The following MYH6 variants were observed in gnomAD, a reference collection of about 807,000 sequenced individuals.
The protein encoded by MYH6 is myosin heavy chain 6, also known as myosin-6.
In MYH6, 126 loss-of-function variants were observed where a neutral mutation model predicts 223.2. That is an observed-to-expected ratio of 0.56 (90% CI 0.49 to 0.65). The LOEUF (loss-of-function observed/expected upper bound fraction) is 0.65, where lower values mean the gene tolerates loss of function less well. MYH6 is among the 30% of genes least tolerant of loss of function. The pLI is 0.00. For missense variants in MYH6, 2,040 were observed against 2,536.4 expected, an observed-to-expected ratio of 0.80 and a Z score of 4.20; for synonymous variants, 978 against 1,010.2, an observed-to-expected ratio of 0.97 and a Z score of 0.61.
chr14:23,396,148 T>G, intron 20 of MYH6, 136 bp downstream of exon 20: 236 of 999,858 alleles, frequency 2.4e-4, no homozygotes, highest in Non-Finnish European at 3.2e-4. Flanking sequence ...GAATTTGCAA[T>G]GAGATTCGAA....
In MYH6 at chr14:23,402,766, G is replaced by T; in HGVS notation, c.933C>A (p.Tyr311Ter). The T allele has an allele frequency of 6.2e-7, 1 of 1,613,402 alleles. No individual in the cohort carries two copies. Among genetic ancestry groups the T allele is most frequent in the East Asian group, 2.2e-5 (1 of 44,720 alleles). The change falls in exon 11 of 39, where the codon TAC becomes TAA. Residue 311 changes from tyrosine (Y) to a stop codon, truncating the protein, a stop_gained. Transcript: ENST00000405093. LOFTEE classifies it high-confidence loss of function. ...MLLVTNNPYDYAFVSQGEVSV... is the reference protein window; with the variant it reads ...MLLVTNNPYD Reference sequence around the variant, plus strand: ...ACACCTCTCCCTGAGACACGAAGGCGTAGTCGTAGGGATTGTTGGTGACCA... The same window carrying T: ...ACACCTCTCCCTGAGACACGAAGGCTTAGTCGTAGGGATTGTTGGTGACCA...
intron 24 of MYH6, 33 bp from the exon 25 acceptor site, chr14:23,392,685 A>C (rs747152368): frequency 1.4e-6 from 2 of 1,462,234 alleles, no homozygotes; most frequent in Non-Finnish European, 1.9e-6. Flanking sequence ...GGGGAGTGAC[A>C]GGTAGCCTTC....
rs756971568 is a variant in MYH6, at chr14:23,398,867, G to C, written c.1752C>G (p.Ala584=). Residue 584 remains alanine (A), a synonymous_variant, in exon 15 of 39, where the codon GCC becomes GCG. Coordinates refer to ENST00000405093, the MANE Select transcript of MYH6 (RefSeq NM_002471.4). ...QEAHFSLIHY[A]GTVDYNILGW... ...CCAGGATGTTGTAGTCCACAGTGCCGGCGTAGTGGATCAGGGAGAAGTGGG... is the reference window on the plus strand; with the variant it reads ...CCAGGATGTTGTAGTCCACAGTGCCCGCGTAGTGGATCAGGGAGAAGTGGG... The C allele has an allele frequency of 3.1e-6, 5 of 1,614,078 alleles. No individual in the cohort carries two copies. The East Asian group carries it at 1.1e-4, about 36-fold the overall frequency.
rs76696292 is a variant in MYH6, at chr14:23,385,823, T to C, written c.5163+105A>G. The stretch of plus-strand genomic sequence containing the variant: ...AGAGTTGGCCTAAGAGAGGAAATGA[T>C]TTGTGACCCTGGCTAGATGTGCTCA... On this transcript the variant is annotated intron_variant, in intron 34 of 38. Coordinates refer to ENST00000405093, the MANE Select transcript of MYH6 (RefSeq NM_002471.4). The C allele has an allele frequency of 3.6e-4, 546 of 1,516,210 alleles. 4 individuals are homozygous for C. In the East Asian group the frequency reaches 0.01, roughly 28 times the overall value. The allele number at this position is 1,516,210 out of a possible 1,614,324, so 93.9% of individuals were successfully genotyped here. A position where few individuals can be genotyped will look rare whatever the true frequency, so the allele number is the denominator to read the frequency against.
chr14:23,400,232 T>C (rs1470019466), intron 14 of MYH6, 24 bp downstream of exon 14: 3 of 1,614,088 alleles, frequency 1.9e-6, no homozygotes, highest in Non-Finnish European at 2.5e-6. Context: ...GGAGGGGGCA[T>C]AGGTGGTGAG....
rs141195890 is a variant in MYH6 at position 23,386,058 on chromosome 14, C to T, written c.5033G>A (p.Arg1678Gln). Residue 1678 changes from arginine to glutamine, a missense_variant, in exon 34 of 39, where the codon CGG becomes CAG. Physicochemically the swap from Arg to Gln is conservative, Grantham distance 43. Around this residue, in one of 4 missense-constraint regions of MYH6, gnomAD observed 1,203 missense variants for 1,400.2 expected, o/e 0.86. Coordinates refer to ENST00000405093, the MANE Select transcript of MYH6 (RefSeq NM_002471.4). ...CTCAGCCTGCAGCAGGTTGTTGCGCCGCTCCACGATGGCGATGTTCTCCTT... is the reference window on the plus strand; with the variant it reads ...CTCAGCCTGCAGCAGGTTGTTGCGCTGCTCCACGATGGCGATGTTCTCCTT... ...DLKENIAIVE[R>Q]RNNLLQAELE... 3.7e-6 allele frequency: 6 copies of T among 1,614,082 alleles called. No homozygotes were observed. Among genetic ancestry groups the T allele is most frequent in the Admixed American group, 1.7e-5 (1 of 60,006 alleles).
chr14:23,392,441 G>A, intron 25 of MYH6, 121 bp downstream of exon 25: 2 of 822,106 alleles, frequency 2.4e-6, no homozygotes, highest in Non-Finnish European at 4.4e-6. Context: ...GTCAGGGATG[G>A]TTGGGTCTAT....
Position 23,389,072 on chromosome 14 carries a change from G to GGGGGGGGGGGC in MYH6, c.3979-18_3979-17insGCCCCCCCCCC. On this transcript the variant is annotated splice_polypyrimidine_tract_variant and intron_variant, in intron 28 of 38. Transcript: ENST00000405093. The stretch of plus-strand genomic sequence containing the variant: ...GTTCTTCGCCTGGGGAGGGGGGGGG[G>GGGGGGGGGGGC]CACCAGGAGGTGGGAGGGACTCCCT... 8 of 1,135,102 alleles carry GGGGGGGGGGGC rather than the reference G, an allele frequency of 7.0e-6. No homozygotes were observed. Among genetic ancestry groups the GGGGGGGGGGGC allele is most frequent in the Non-Finnish European group, 1.0e-5 (8 of 774,090 alleles). 70.3% of individuals were successfully genotyped at this position (1,135,102 alleles called of 1,614,324 possible). A position where few individuals can be genotyped will look rare whatever the true frequency, so the allele number is the denominator to read the frequency against.
rs529107714 is a variant in MYH6, at chr14:23,390,396, C to T, written c.3393G>A (p.Arg1131=). The T allele has an allele frequency of 2.1e-4, 341 of 1,610,328 alleles. 2 individuals carry two copies. The South Asian group carries it at 3.5e-3, about 17-fold the overall frequency. Residue 1131 remains arginine, a synonymous_variant, in exon 26 of 39, where the codon AGG becomes AGA. Coordinates refer to ENST00000405093, the MANE Select transcript of MYH6 (RefSeq NM_002471.4). ...EEELEAERTA[R]AKVEKLRSDL... is the part of the protein sequence containing the mutation. ...CTGAGCGCAGCTTCTCCACCTTAGC[C>T]CTGGCGGTGCGCTCGGCCTCCAGCT...
chr14:23,386,283 G>C, intron 33 of MYH6, 32 bp downstream of exon 33: 1 of 1,614,076 alleles, frequency 6.2e-7, no homozygotes, highest in Non-Finnish European at 8.5e-7. Flanking sequence ...ATGGAGGCCA[G>C]TCCCCTGAGG....
rs1221259755 is a variant in MYH6 at position 23,397,005 on chromosome 14, T to C, written c.2126A>G (p.Lys709Arg). ...GVLEGIRICRKGFPNRILYGD... is the reference protein window; with the variant it reads ...GVLEGIRICRRGFPNRILYGD... ...GTAGAGGATGCGGTTGGGGAAGCCC[T>C]TCCTGCAGATGCGGATGCCCTCCAG... The change falls in exon 18 of 39, where the codon AAG becomes AGG. Residue 709 changes from lysine (K) to arginine (R), a missense_variant. By Grantham distance (26) the Lys-to-Arg change is conservative (BLOSUM62 2). Coordinates refer to ENST00000405093, the MANE Select transcript of MYH6 (RefSeq NM_002471.4). 6.2e-7 allele frequency: 1 copy of C among 1,613,800 alleles called. No individual in the cohort carries two copies. Among genetic ancestry groups the C allele is most frequent in the East Asian group, 2.2e-5 (1 of 44,884 alleles).
At chr14:23,403,479 G>A (rs753597443) in intron 9 of MYH6, 33 bp from the exon 10 acceptor site, 9 of 1,579,222 alleles carry the variant, frequency 5.7e-6, no homozygotes, top group South Asian at 5.5e-5. Flanking sequence ...AGGCAGGTGA[G>A]GAAGGAAAGA....
Position 23,388,348 on chromosome 14 carries a change from T to G in MYH6, c.4176-10A>C, listed in dbSNP as rs200280718. 16 of 1,612,300 alleles carry G rather than the reference T, an allele frequency of 9.9e-6. No individual in the cohort carries two copies. Among genetic ancestry groups the G allele is most frequent in the Admixed American group, 3.3e-5 (2 of 60,020 alleles). ...CTGGGCCAGCTTCTTTCTGCCCAGG[T>G]GAGGGTGGAGGGTGTGTGTGTGACT... On this transcript the variant is annotated splice_polypyrimidine_tract_variant and intron_variant, in intron 29 of 38. Coordinates refer to ENST00000405093, the MANE Select transcript of MYH6 (RefSeq NM_002471.4).
chr14:23,406,302 A>G (rs1891785032), intron 3 of MYH6, among the ~76,000 whole-genome samples: 1 of 152,212 alleles, frequency 6.6e-6, no homozygotes, highest in Non-Finnish European at 1.5e-5. Flanking sequence ...AGATCCTGCC[A>G]GTAGGTATTC....
rs1242106122 is a variant in MYH6 at position 23,405,925 on chromosome 14, A to G, written c.202-155T>C. The stretch of plus-strand genomic sequence containing the variant: ...GGCCCCTACCCCGATGTCCCCTGGG[A>G]CACTTTCCCCAGGTAATTTCCCTTC... On this transcript the variant is annotated intron_variant, in intron 3 of 38. Coordinates refer to ENST00000405093, the MANE Select transcript of MYH6 (RefSeq NM_002471.4). The surrounding 1 kb of genome is among the most constrained non-coding windows in gnomAD (Gnocchi z 4.7). Among the ~76,000 whole-genome samples the G allele has an allele frequency of 6.6e-6, 1 of 151,844 alleles. No homozygotes were observed. Among genetic ancestry groups the G allele is most frequent in the Non-Finnish European group, 1.5e-5 (1 of 67,924 alleles).
At chr14:23,393,193 T>A in intron 23 of MYH6, 136 bp from the exon 24 acceptor site, 1 of 1,471,534 alleles carries the variant, frequency 6.8e-7, no homozygotes, top group South Asian at 1.2e-5. Flanking sequence ...GCACAAAGGA[T>A]TCAGAGACCT....
intron 12 of MYH6, among the ~76,000 whole-genome samples, chr14:23,402,063 T>G (rs540855935): frequency 3.9e-5 from 6 of 152,300 alleles, no homozygotes; most frequent in Non-Finnish European, 7.3e-5. Context: ...AGGAGGAAAC[T>G]GACACACCAA....
rs1891517411 is a variant in MYH6 at position 23,399,007 on chromosome 14, C to T, written c.1612G>A (p.Glu538Lys). Reference sequence around the variant, plus strand: ...TCAGTGGCCTTGGGGAACATGCACTCCTCCTCCAGGATGGACATGATGCCC... The same window carrying T: ...TCAGTGGCCTTGGGGAACATGCACTTCTCCTCCAGGATGGACATGATGCCC... ...PMGIMSILEEECMFPKATDMT... is the reference protein window; with the variant it reads ...PMGIMSILEEKCMFPKATDMT... Residue 538 changes from glutamate to lysine, a missense_variant, in exon 15 of 39, where the codon GAG becomes AAG. Glu to Lys is a moderately conservative substitution (Grantham distance 56). Around this residue, in one of 4 missense-constraint regions of MYH6, gnomAD observed 649 missense variants for 877.3 expected, o/e 0.74. Transcript: ENST00000405093. The T allele has an allele frequency of 6.2e-7, 1 of 1,614,104 alleles. No homozygotes were observed. The highest frequency in any genetic ancestry group is 8.5e-7 in the Non-Finnish European group (1 of 1,180,022).
In MYH6 at chr14:23,393,220, A is replaced by G; in HGVS notation, c.3105+122T>C. ...CAGAGACCTACTGTAGTGAGGAACT[A>G]CAGAGAGCAAAAAAGCTTCAGGGGC... On this transcript the variant is annotated intron_variant, in intron 23 of 38. Coordinates refer to ENST00000405093, the MANE Select transcript of MYH6 (RefSeq NM_002471.4). 2.7e-6 allele frequency: 4 copies of G among 1,489,650 alleles called. No homozygotes were observed. The Admixed American group carries it at 7.0e-5, about 26-fold the overall frequency. The allele number at this position is 1,489,650 out of a possible 1,614,324, so 92.3% of individuals were successfully genotyped here.
Sources: allele counts gnomAD v4.1 joint callset (sites outside exome capture counted in the v4.1 genomes callset), GRCh38; gene constraint gnomAD v4.1.1; regional missense constraint gnomAD v4.1.1; non-coding constraint Gnocchi (gnomAD v3.1); transcripts MANE v1.5; gene names NCBI Gene and HGNC (gene_info 2026-07-23, HGNC 2026-07-21).